CYP2J2: variants seen among roughly 807,000 people sequenced by gnomAD.
The protein encoded by CYP2J2 is cytochrome P450 2J2.
In CYP2J2, 41 loss-of-function variants were observed where a neutral mutation model predicts 48.8. The observed-to-expected ratio is 0.84, with a 90% CI of 0.66 to 1.09. The LOEUF is 1.09. Among genes scored for constraint, CYP2J2 ranks in the 50% least tolerant of loss-of-function variants. The pLI is 0.00. For missense variants in CYP2J2, 644 were observed against 617.3 expected (o/e 1.04, Z -0.46); for synonymous variants, 221 against 227.1 (o/e 0.97, Z 0.24).
the CYP2J2 span, among the ~76,000 whole-genome samples, chr1:59,941,332 T>C: frequency 6.6e-6 from 1 of 152,076 alleles, no homozygotes; most frequent in Non-Finnish European, 1.5e-5. Flanking sequence ...GCTATTGTAA[T>C]GGCATAGTGT....
the CYP2J2 span, among the ~76,000 whole-genome samples, chr1:59,935,374 T>C: frequency 2.6e-5 from 4 of 152,056 alleles, no homozygotes; most frequent in African/African-American, 9.7e-5. Flanking sequence ...ACTTGAAATT[T>C]GGTTAAGAGG....
intron 8 of CYP2J2, among the ~76,000 whole-genome samples, chr1:59,895,437 A>C (rs2147397): frequency 0.22 from 33,950 of 152,094 alleles, 4,765 homozygotes; most frequent in African/African-American, 0.4. Context: ...CTCATTTTAT[A>C]CTATCAAGTG....
intron 5 of CYP2J2, 139 bp downstream of exon 5, chr1:59,909,645 T>C (rs1644394238): frequency 3.3e-6 from 2 of 599,178 alleles, no homozygotes; most frequent in Non-Finnish European, 5.6e-6. Flanking sequence ...ATACTTCTGA[T>C]ATCTAGAACT....
Position 59,915,991 on chromosome 1 carries a change from T to C in CYP2J2, c.320A>G (p.Asn107Ser), listed in dbSNP as rs745519073. Residue 107 changes from asparagine to serine, a missense_variant, in exon 2 of 9, where the codon AAC becomes AGC. By Grantham distance (46) the Asn-to-Ser change is conservative. Transcript: ENST00000371204. The stretch of plus-strand genomic sequence containing the variant: ...AGGGGTCACGGGGCGGTTCCCAAAG[T>C]TTTGGTCCATGTGGATAAGGGCTTC... The part of the protein sequence containing the change: ...IKEALIHMDQ[N>S]FGNRPVTPMR... 1.2e-6 allele frequency: 2 copies of C among 1,613,924 alleles called. No individual in the cohort carries two copies. Among genetic ancestry groups the C allele is most frequent in the Admixed American group, 3.3e-5 (2 of 60,006 alleles).
the CYP2J2 span, among the ~76,000 whole-genome samples, chr1:59,952,518 T>C: frequency 6.6e-6 from 1 of 151,994 alleles, no homozygotes; most frequent in Non-Finnish European, 1.5e-5. Flanking sequence ...TAATTGGTGT[T>C]GGAGGCAGTG....
chr1:59,946,500 T>C, the CYP2J2 span, among the ~76,000 whole-genome samples: 1 of 152,234 alleles, frequency 6.6e-6, no homozygotes, highest in Admixed American at 6.5e-5. Context: ...ATTCTTCCTC[T>C]GCTCCCCACA....
At chr1:59,932,715 T>A in the CYP2J2 span, among the ~76,000 whole-genome samples, 1 of 151,938 alleles carries the variant, frequency 6.6e-6, no homozygotes, top group South Asian at 2.1e-4. Context: ...TTTTTTTTTT[T>A]TTTGAGACAG....
chr1:59,943,833 T>C, the CYP2J2 span, among the ~76,000 whole-genome samples: 2 of 152,204 alleles, frequency 1.3e-5, no homozygotes, highest in Admixed American at 6.5e-5. Context: ...GAAGTGGTAC[T>C]TGGAGTTATC....
the CYP2J2 span, among the ~76,000 whole-genome samples, chr1:59,935,015 C>CATATAGAT: frequency 2.1e-5 from 1 of 47,506 alleles, no homozygotes; most frequent in Non-Finnish European, 4.2e-5. Context: ...TATATATATA[C>CATATAGAT]ATATATATAT....
At chr1:59,935,015 C>CATATATATATATATATAT in the CYP2J2 span, among the ~76,000 whole-genome samples, 8 of 47,508 alleles carry the variant, frequency 1.7e-4, no homozygotes, top group East Asian at 7.8e-4. Flanking sequence ...TATATATATA[C>CATATATATATATATATAT]ATATATATAT....
At chr1:59,966,652 A>AATCCAGAAACACGGG in the CYP2J2 span, among the ~76,000 whole-genome samples, 1 of 152,170 alleles carries the variant, frequency 6.6e-6, no homozygotes, top group Non-Finnish European at 1.5e-5. Context: ...TATGAGAAAA[A>AATCCAGAAACACGGG]ATGCAGGTGG....
At chr1:59,927,028 G>T (rs1471889307), upstream of CYP2J2, among the ~76,000 whole-genome samples, 2 of 152,230 alleles carry the variant, frequency 1.3e-5, no homozygotes, top group Non-Finnish European at 2.9e-5. Flanking sequence ...TCTCTCCTAT[G>T]ATTGGAACTG....
chr1:59,968,563 A>G, the CYP2J2 span, among the ~76,000 whole-genome samples: 1 of 151,960 alleles, frequency 6.6e-6, no homozygotes, highest in Non-Finnish European at 1.5e-5. Flanking sequence ...CCCTCCAGGG[A>G]GTTCCTTGCA....
chr1:59,964,484 T>A, the CYP2J2 span, among the ~76,000 whole-genome samples: 1 of 152,244 alleles, frequency 6.6e-6, no homozygotes, highest in Non-Finnish European at 1.5e-5. Context: ...ACAGGTCACA[T>A]GTCTATATCC....
intron 4 of CYP2J2, among the ~76,000 whole-genome samples, chr1:59,910,868 T>C (rs558232820): frequency 6.5e-4 from 99 of 152,218 alleles, no homozygotes; most frequent in African/African-American, 2.2e-3. Flanking sequence ...GGGACAAAAA[T>C]TGTGGTGCAG....
At chr1:59,935,021 T>TATATATATATATATATATATATATATAC in the CYP2J2 span, among the ~76,000 whole-genome samples, 21 of 48,130 alleles carry the variant, frequency 4.4e-4, 1 homozygote, top group South Asian at 1.1e-3. Context: ...TATACATATA[T>TATATATATATATATATATATATATATAC]ATATATATAT....
intron 1 of CYP2J2, among the ~76,000 whole-genome samples, chr1:59,918,463 T>C (rs1042557005): frequency 3.3e-5 from 5 of 152,150 alleles, no homozygotes; most frequent in African/African-American, 9.7e-5. Flanking sequence ...TAAACAGAAC[T>C]AGATAAAAAA....
At chr1:59,906,872 A>G (rs1024217373) in intron 6 of CYP2J2, among the ~76,000 whole-genome samples, 2 of 152,254 alleles carry the variant, frequency 1.3e-5, no homozygotes, top group Non-Finnish European at 2.9e-5. Context: ...ACCTTAGTAC[A>G]TGGGAAGCAC....
At chr1:59,932,149 G>T in the CYP2J2 span, among the ~76,000 whole-genome samples, 5 of 152,168 alleles carry the variant, frequency 3.3e-5, no homozygotes, top group South Asian at 1.0e-3. Context: ...CTAAGTGTGT[G>T]AAAAGTATTC....
Sources: gnomAD v4.1 joint callset for allele counts (sites outside exome capture counted in the v4.1 genomes callset) on GRCh38, gnomAD v4.1.1 for gene constraint, MANE v1.5 for transcripts, NCBI Gene and HGNC (gene_info 2026-07-23, HGNC 2026-07-21) for gene names.